PARD3B: variants seen among roughly 807,000 people sequenced by gnomAD.
PARD3B encodes the protein par-3 family cell polarity regulator beta.
Under a neutral mutation model 130.2 loss-of-function variants are expected in PARD3B, and 103 were observed. The observed-to-expected ratio is 0.79, with a 90% confidence interval of 0.67 to 0.93. The LOEUF is 0.93. Among genes scored for constraint, PARD3B ranks in the 40% least tolerant of loss-of-function variants. The pLI is 0.00. For missense variants in PARD3B, 1,609 were observed against 1,499.2 expected (o/e 1.07, Z -1.21); for synonymous variants, 583 against 553.2 (o/e 1.05, Z -0.76).
In PARD3B at chr2:204,651,752, G is replaced by A. The variant is rs190063030; in HGVS notation, c.121-34429G>A. Among the ~76,000 whole-genome samples, 3 of 152,332 alleles carry A rather than the reference G, an allele frequency of 2.0e-5. No homozygotes were observed. The East Asian group carries it at 5.8e-4, about 29-fold the overall frequency. ...TCTCCATGAGGTTTCTGTCCCTGCA[G>A]CAGACTTCTGCCTTAACATCCAGGC... On this transcript the variant is annotated intron_variant, in intron 1 of 22. Transcript: ENST00000406610.
chr2:204,661,294 G>C (rs1418670826), intron 1 of PARD3B, among the ~76,000 whole-genome samples: 1 of 152,098 alleles, frequency 6.6e-6, no homozygotes, highest in African/African-American at 2.4e-5. Flanking sequence ...AATCCACAAG[G>C]CTGGTGTTAA....
At chr2:204,809,580 G>C (rs929873017) in intron 2 of PARD3B, among the ~76,000 whole-genome samples, 7 of 152,084 alleles carry the variant, frequency 4.6e-5, no homozygotes, top group African/African-American at 1.7e-4. Context: ...TGGGGTCTCT[G>C]TTCTGTTCCA....
chr2:205,110,805 C>G (rs774040834), intron 5 of PARD3B, among the ~76,000 whole-genome samples: 130 of 152,168 alleles, frequency 8.5e-4, no homozygotes, highest in Non-Finnish European at 1.5e-3. Flanking sequence ...GTCCTGTTCA[C>G]TAGTCCCTGA....
intron 4 of PARD3B, among the ~76,000 whole-genome samples, chr2:205,068,037 A>G (rs1559407501): frequency 6.6e-6 from 1 of 152,172 alleles, no homozygotes; most frequent in East Asian, 1.9e-4. Flanking sequence ...CATAAGCCTC[A>G]CAAAATGTGT....
intron 18 of PARD3B, among the ~76,000 whole-genome samples, chr2:205,332,577 A>G (rs1368788891): frequency 2.0e-5 from 3 of 152,212 alleles, no homozygotes; most frequent in African/African-American, 7.2e-5. Context: ...CATTCCCTAC[A>G]CTTTTCTGTT....
intron 3 of PARD3B, among the ~76,000 whole-genome samples, chr2:205,010,212 A>T (rs906835492): frequency 6.6e-6 from 1 of 152,176 alleles, no homozygotes; most frequent in Non-Finnish European, 1.5e-5. Flanking sequence ...TAATTGATAC[A>T]TATTAATACA....
rs2038780675 is a variant in PARD3B, at chr2:205,230,507, C to G, written c.2141-15271C>G. 2.0e-5 allele frequency among the ~76,000 whole-genome samples: 3 copies of G among 152,122 alleles called. No individual in the cohort carries two copies. The highest frequency in any genetic ancestry group is 4.4e-5 in the Non-Finnish European group (3 of 68,030). ...TGTGGTAGAGCTAGGATTCAAGTTG[C>G]AAGATGAAGTCCTCTTAACTCTTCC... On this transcript the variant is annotated intron_variant, in intron 15 of 22. Transcript: ENST00000406610. The surrounding 1 kb of genome is among the most constrained non-coding windows in gnomAD (Gnocchi z 4.1).
intron 2 of PARD3B, among the ~76,000 whole-genome samples, chr2:204,721,544 T>C (rs2038997730): frequency 6.6e-6 from 1 of 152,152 alleles, no homozygotes; most frequent in South Asian, 2.1e-4. Flanking sequence ...AAATTAGATA[T>C]AGATTAAGAG....
chr2:205,129,786 A>G (rs934680825), intron 10 of PARD3B, among the ~76,000 whole-genome samples: 4 of 152,186 alleles, frequency 2.6e-5, no homozygotes, highest in Non-Finnish European at 4.4e-5. Flanking sequence ...CTAAGGGAGC[A>G]TGTGGTCAGC....
At chr2:204,556,307 G>A (rs1439318623) in intron 1 of PARD3B, among the ~76,000 whole-genome samples, 7 of 152,094 alleles carry the variant, frequency 4.6e-5, no homozygotes, top group Admixed American at 4.6e-4. Context: ...GCTCAAGATG[G>A]CATCTTCACT....
At chr2:205,448,072 A>G (rs2047969747) in intron 20 of PARD3B, among the ~76,000 whole-genome samples, 2 of 152,232 alleles carry the variant, frequency 1.3e-5, no homozygotes, top group African/African-American at 4.8e-5. Flanking sequence ...TGTAGAAAAC[A>G]CAGCAAATGA....
intron 2 of PARD3B, among the ~76,000 whole-genome samples, chr2:204,958,811 T>C (rs1201363588): frequency 1.3e-5 from 2 of 152,186 alleles, no homozygotes; most frequent in Admixed American, 6.5e-5. Flanking sequence ...ACTAGTGATA[T>C]TGATCATAAT....
chr2:204,796,501 G>A (rs1313234472), intron 2 of PARD3B, among the ~76,000 whole-genome samples: 2 of 152,160 alleles, frequency 1.3e-5, no homozygotes, highest in African/African-American at 4.8e-5. Context: ...CAAGCTCAGT[G>A]GCCACTTTGT....
At chr2:205,092,838 GCGATTGT>G in intron 4 of PARD3B, among the ~76,000 whole-genome samples, 2 of 152,114 alleles carry the variant, frequency 1.3e-5, no homozygotes, top group Admixed American at 1.3e-4. Flanking sequence ...CAAGCTTCCA[GCGATTGT>G]GGAACTTAGT....
intron 2 of PARD3B, among the ~76,000 whole-genome samples, chr2:204,720,069 T>G (rs548519790): frequency 5.2e-4 from 79 of 152,300 alleles, no homozygotes; most frequent in African/African-American, 1.9e-3. Flanking sequence ...TGGCATTTTT[T>G]TGTGAAGGTC....
At position 204,700,513 on chromosome 2, in the gene PARD3B, A is replaced by G. The variant is rs1203620303; in HGVS notation, c.222+14231A>G. On this transcript the variant is annotated intron_variant, in intron 2 of 22. Coordinates refer to ENST00000406610, the MANE Select transcript of PARD3B (RefSeq NM_001302769.2). ...AATATAGCTCTGGATTGAATTTTTGACACGCAATCTTTTATTATGACATCT... is the reference window on the plus strand; with the variant it reads ...AATATAGCTCTGGATTGAATTTTTGGCACGCAATCTTTTATTATGACATCT... Among the ~76,000 whole-genome samples, 4 of 152,244 alleles carry G rather than the reference A, an allele frequency of 2.6e-5. No homozygotes were observed. The East Asian group carries it at 5.8e-4, about 22-fold the overall frequency.
chr2:204,994,651 C>T (rs1482041269), intron 3 of PARD3B, among the ~76,000 whole-genome samples: 3 of 152,052 alleles, frequency 2.0e-5, no homozygotes, highest in Admixed American at 1.3e-4. Flanking sequence ...CTCTGTATCT[C>T]GTTGATCTGT....
In PARD3B at chr2:205,078,410, A is replaced by G. The variant is rs550501507; in HGVS notation, c.505-26016A>G. Among the ~76,000 whole-genome samples the G allele has an allele frequency of 2.0e-5, 3 of 152,312 alleles. No individual in the cohort carries two copies. The South Asian group carries it at 6.2e-4, about 32-fold the overall frequency. On this transcript the variant is annotated intron_variant, in intron 4 of 22. Transcript: ENST00000406610. The surrounding 1 kb of genome is among the most constrained non-coding windows in gnomAD (Gnocchi z 4.0). ...TCAGGTGAGAGTATTTCTTTTCTAA[A>G]GATAGACCAAAGACCCACTTTTTTT...
intron 15 of PARD3B, among the ~76,000 whole-genome samples, chr2:205,218,994 T>C (rs1422388732): frequency 6.6e-6 from 1 of 151,772 alleles, no homozygotes; most frequent in Non-Finnish European, 1.5e-5. Flanking sequence ...GCAGGAGAAT[T>C]GCTTGAATCT....
Sources: gnomAD v4.1 joint callset for allele counts (sites outside exome capture counted in the v4.1 genomes callset) on GRCh38, gnomAD v4.1.1 for gene constraint, Gnocchi (gnomAD v3.1) non-coding constraint, MANE v1.5 for transcripts, NCBI Gene and HGNC (gene_info 2026-07-23, HGNC 2026-07-21) for gene names.